Variants in UMAD1 observed in about 807,000 individuals in gnomAD.
UMAD1 encodes the protein UBAP1-MVB12-associated (UMA) domain containing 1.
Under a neutral mutation model 6.1 loss-of-function variants are expected in UMAD1, and 8 were observed. That is an observed-to-expected ratio of 1.30 (90% CI 0.76 to 2.35). The LOEUF (loss-of-function observed/expected upper bound fraction) is 2.35, where lower values mean the gene tolerates loss of function less well. UMAD1 is among the 30% of genes most tolerant of loss of function. The pLI, the probability that UMAD1 is intolerant of heterozygous loss-of-function variation, is 0.00. For synonymous variants in UMAD1, 56 were observed against 31.4 expected, an observed-to-expected ratio of 1.78 and a Z score of -2.61; for missense variants, 130 against 78.4, an observed-to-expected ratio of 1.66 and a Z score of -2.49.
Position 7,673,450 on chromosome 7 carries a change from T to C in UMAD1, c.79T>C (p.Leu27=). Residue 27 remains leucine, a synonymous_variant, in exon 2 of 4, where the codon TTA becomes CTA. Coordinates refer to ENST00000682710, the MANE Select transcript of UMAD1 (RefSeq NM_001302348.2). ...PETEADGFVL[L]GDTTDEQRMT... ...GACAGAAGCAGATGGATTCGTCCTT[T>C]TAGGTGAGTCTTTTTAAGAAACAAA... is the stretch of plus-strand genomic sequence containing the variant. 1 of 842,448 alleles carries C rather than the reference T, an allele frequency of 1.2e-6. No homozygotes were observed. Among genetic ancestry groups the C allele is most frequent in the South Asian group, 1.4e-5 (1 of 70,282 alleles). 52.2% of individuals were successfully genotyped at this position (842,448 alleles called of 1,614,324 possible).
At chr7:7,654,332 A>G (rs190119618) in intron 1 of UMAD1, among the ~76,000 whole-genome samples, 8 of 152,270 alleles carry the variant, frequency 5.3e-5, no homozygotes, top group East Asian at 3.9e-4. Context: ...ATCTGACAAG[A>G]GGGGAGGTTC....
intron 2 of UMAD1, among the ~76,000 whole-genome samples, chr7:7,796,516 G>T (rs910771562): frequency 6.6e-6 from 1 of 152,056 alleles, no homozygotes; most frequent in Non-Finnish European, 1.5e-5. Context: ...CTCCCAAAGT[G>T]TTGGGATTAC....
At chr7:7,729,950 C>G (rs1237823522) in intron 2 of UMAD1, among the ~76,000 whole-genome samples, 2 of 152,232 alleles carry the variant, frequency 1.3e-5, no homozygotes, top group African/African-American at 2.4e-5. Flanking sequence ...CACTGTCTGA[C>G]TTCTCTCACC....
At chr7:7,816,597 C>T (rs1419574641) in intron 3 of UMAD1, among the ~76,000 whole-genome samples, 1 of 152,180 alleles carries the variant, frequency 6.6e-6, no homozygotes, top group African/African-American at 2.4e-5. Context: ...GGCAAAGCAG[C>T]AGTGACCAAT....
At chr7:7,872,276 C>T (rs1392988813) in intron 3 of UMAD1, among the ~76,000 whole-genome samples, 1 of 152,094 alleles carries the variant, frequency 6.6e-6, no homozygotes, top group Non-Finnish European at 1.5e-5. Flanking sequence ...TATGCTTACA[C>T]TATATTGTCA....
At chr7:7,656,650 TC>T (rs368945999) in intron 1 of UMAD1, among the ~76,000 whole-genome samples, 29 of 152,310 alleles carry the variant, frequency 1.9e-4, no homozygotes, top group Middle Eastern at 3.4e-3. Flanking sequence ...ATGAACTCAT[TC>T]TTTTTTATGG....
intron 2 of UMAD1, among the ~76,000 whole-genome samples, chr7:7,785,176 A>G (rs1346363964): frequency 1.3e-5 from 2 of 152,230 alleles, no homozygotes; most frequent in African/African-American, 2.4e-5. Flanking sequence ...GAATCTGGGT[A>G]TGGTAAAAAG....
chr7:7,671,279 A>G (rs1779599431), intron 1 of UMAD1, among the ~76,000 whole-genome samples: 1 of 151,794 alleles, frequency 6.6e-6, no homozygotes, highest in South Asian at 2.1e-4. Context: ...TATCTTTTTC[A>G]CCTCTGTGCA....
intron 2 of UMAD1, among the ~76,000 whole-genome samples, chr7:7,697,118 CTTTTT>C (rs1338674876): frequency 6.6e-6 from 1 of 152,070 alleles, no homozygotes; most frequent in Non-Finnish European, 1.5e-5. Context: ...TTTTGCTTTT[CTTTTT>C]ATTTAAAAAA....
chr7:7,805,625 GTGGGC>G (rs1782897558), intron 3 of UMAD1, among the ~76,000 whole-genome samples: 1 of 152,104 alleles, frequency 6.6e-6, no homozygotes, highest in Admixed American at 6.6e-5. Flanking sequence ...GCTCCTTGCA[GTGGGC>G]TACAAGGAAC....
intron 2 of UMAD1, among the ~76,000 whole-genome samples, chr7:7,722,380 C>T (rs964152487): frequency 6.6e-6 from 1 of 151,974 alleles, no homozygotes. Flanking sequence ...AAGGACTCTA[C>T]TTCTAATGGT....
rs141656957 is a variant in UMAD1 at position 7,796,606 on chromosome 7, C to T, written c.83-5064C>T. 1.5e-3 allele frequency among the ~76,000 whole-genome samples: 226 copies of T among 152,200 alleles called. 2 individuals carry two copies. The highest frequency in any genetic ancestry group is 5.3e-3 in the African/African-American group (221 of 41,512). ...AACACCAGATACTGACCATTTGTAT[C>T]CCCATTGTTCCTATAGATAGGATTC... is the stretch of plus-strand genomic sequence containing the variant. On this transcript the variant is annotated intron_variant, in intron 2 of 3. Coordinates refer to ENST00000682710, the MANE Select transcript of UMAD1 (RefSeq NM_001302348.2).
At chr7:7,837,704 A>G (rs1343944409) in intron 3 of UMAD1, among the ~76,000 whole-genome samples, 2 of 119,266 alleles carry the variant, frequency 1.7e-5, no homozygotes, top group African/African-American at 6.2e-5. Context: ...TAACAAGATG[A>G]TAGAACAAAT....
chr7:7,670,210 T>TATTAAAAC (rs1376093425), intron 1 of UMAD1, among the ~76,000 whole-genome samples: 3 of 152,210 alleles, frequency 2.0e-5, no homozygotes, highest in African/African-American at 7.2e-5. Context: ...GAGAATGACT[T>TATTAAAAC]ATTAAAACTA....
At chr7:7,845,269 C>T (rs553563956) in intron 3 of UMAD1, among the ~76,000 whole-genome samples, 1 of 151,888 alleles carries the variant, frequency 6.6e-6, no homozygotes, top group South Asian at 2.1e-4. Flanking sequence ...TAGCTATTTC[C>T]TTTTCCTTTT....
chr7:7,865,683 G>T (rs931635669), intron 3 of UMAD1, among the ~76,000 whole-genome samples: 1 of 152,170 alleles, frequency 6.6e-6, no homozygotes, highest in African/African-American at 2.4e-5. Flanking sequence ...CTGCCACCCT[G>T]TTGCTGTTCA....
chr7:7,741,432 G>A (rs1238880400), intron 2 of UMAD1, among the ~76,000 whole-genome samples: 2 of 151,768 alleles, frequency 1.3e-5, no homozygotes, highest in East Asian at 1.9e-4. Flanking sequence ...TTAGCTGGGC[G>A]TGGTGGCGTG....
intron 3 of UMAD1, among the ~76,000 whole-genome samples, chr7:7,863,083 C>G (rs915158961): frequency 1.3e-5 from 2 of 151,870 alleles, no homozygotes; most frequent in African/African-American, 2.4e-5. Flanking sequence ...ATGTAGGTGG[C>G]ATCGACATTG....
intron 2 of UMAD1, among the ~76,000 whole-genome samples, chr7:7,783,470 A>G (rs1399856038): frequency 6.6e-6 from 1 of 151,562 alleles, no homozygotes; most frequent in Non-Finnish European, 1.5e-5. Flanking sequence ...CTGAGCTACG[A>G]GGCTGGGAAG....
Sources: gnomAD v4.1 joint callset for allele counts (sites outside exome capture counted in the v4.1 genomes callset) on GRCh38, gnomAD v4.1.1 for gene constraint, MANE v1.5 for transcripts, NCBI Gene and HGNC (gene_info 2026-07-23, HGNC 2026-07-21) for gene names.